Variants in SPADH observed in about 807,000 individuals in gnomAD.
The protein encoded by SPADH is spermadhesin family member.
At chr10:122,675,411 G>A in the SPADH span, among the ~76,000 whole-genome samples, 6 of 152,132 alleles carry the variant, frequency 3.9e-5, no homozygotes, top group African/African-American at 1.4e-4. Flanking sequence ...TGTGAGTGCT[G>A]AGAGCCGATG....
chr10:122,678,794 C>T, the SPADH span: 1 of 561,226 alleles, frequency 1.8e-6, no homozygotes, highest in Non-Finnish European at 2.3e-6. Context: ...GAGGTGGCAG[C>T]CTGGCTGGAG....
At chr10:122,675,660 A>G in the SPADH span, 19 of 984,346 alleles carry the variant, frequency 1.9e-5, no homozygotes, top group Admixed American at 2.5e-4. Flanking sequence ...TTAAAGCTCC[A>G]TTTGCCACAG....
chr10:122,676,679 G>C, the SPADH span: 3 of 972,980 alleles, frequency 3.1e-6, no homozygotes, highest in East Asian at 3.4e-4. Context: ...TAATAACAGG[G>C]GCCCCTGGAA....
At chr10:122,675,481 C>T in the SPADH span, among the ~76,000 whole-genome samples, 17 of 152,286 alleles carry the variant, frequency 1.1e-4, no homozygotes, top group South Asian at 6.2e-4. Flanking sequence ...GGGACAGTGA[C>T]GCCATCTCTT....
the SPADH span, chr10:122,672,891 T>A: frequency 1.0e-6 from 1 of 985,356 alleles, no homozygotes; most frequent in Non-Finnish European, 1.2e-6. Flanking sequence ...GATGAGGCTG[T>A]CCAGAGCCTT....
chr10:122,679,336 G>A, the SPADH span, among the ~76,000 whole-genome samples: 2 of 152,062 alleles, frequency 1.3e-5, no homozygotes, highest in Non-Finnish European at 1.5e-5. Flanking sequence ...GGGTATCTCT[G>A]AGAAGCCATC....
chr10:122,674,012 C>T, the SPADH span, among the ~76,000 whole-genome samples: 1 of 152,220 alleles, frequency 6.6e-6, no homozygotes, highest in East Asian at 1.9e-4. Context: ...CTTAGGGCAA[C>T]TGGTCATAGG....
chr10:122,673,094 A>G, the SPADH span, among the ~76,000 whole-genome samples: 1 of 152,224 alleles, frequency 6.6e-6, no homozygotes, highest in African/African-American at 2.4e-5. Context: ...GGAAGAAGAG[A>G]CAAATAGGAA....
the SPADH span, chr10:122,676,884 G>A: frequency 1.0e-6 from 1 of 985,352 alleles, no homozygotes; most frequent in Non-Finnish European, 1.2e-6. Context: ...GGCCATTCCA[G>A]ACCTCAAGTG....
chr10:122,673,802 G>A, the SPADH span, among the ~76,000 whole-genome samples: 2 of 151,752 alleles, frequency 1.3e-5, no homozygotes, highest in Admixed American at 6.6e-5. Flanking sequence ...TTTCTCCTGC[G>A]CTGCTCCACT....
the SPADH span, chr10:122,676,723 T>G: frequency 1.0e-6 from 1 of 985,356 alleles, no homozygotes. Context: ...AGAGCATCCC[T>G]GCAGTGCCTG....
the SPADH span, chr10:122,673,023 C>T: frequency 4.7e-6 from 3 of 645,106 alleles, no homozygotes; most frequent in Non-Finnish European, 5.8e-6. Flanking sequence ...AAGGAAGAAG[C>T]CCATGGCTGA....
At chr10:122,677,738 C>A in the SPADH span, among the ~76,000 whole-genome samples, 1 of 152,294 alleles carries the variant, frequency 6.6e-6, no homozygotes, top group South Asian at 2.1e-4. Flanking sequence ...GGCTCAGAAT[C>A]CCACTACGTT....
At chr10:122,676,416 G>A in the SPADH span, among the ~76,000 whole-genome samples, 1 of 152,204 alleles carries the variant, frequency 6.6e-6, no homozygotes, top group Admixed American at 6.5e-5. Flanking sequence ...GAAAAGATCT[G>A]TAGGGAAATG....
At chr10:122,677,730 C>G in the SPADH span, among the ~76,000 whole-genome samples, 1 of 152,180 alleles carries the variant, frequency 6.6e-6, no homozygotes, top group Non-Finnish European at 1.5e-5. Context: ...AGCCTATGGG[C>G]TCAGAATCCC....
At chr10:122,675,770 A>C in the SPADH span, 15 of 327,414 alleles carry the variant, frequency 4.6e-5, no homozygotes, top group Non-Finnish European at 6.6e-5. Context: ...GGCACGTACC[A>C]GGGATAATTC....
chr10:122,678,879 T>C, the SPADH span: 6 of 984,652 alleles, frequency 6.1e-6, no homozygotes, highest in Non-Finnish European at 7.2e-6. Flanking sequence ...TACGTGGAAG[T>C]GCTGGATGGA....
At chr10:122,675,557 G>A in the SPADH span, 2 of 434,004 alleles carry the variant, frequency 4.6e-6, no homozygotes, top group Non-Finnish European at 6.1e-6. Context: ...CCTCTTCACA[G>A]TGTAGTCATT....
the SPADH span, chr10:122,676,974 T>A: frequency 1.1e-6 from 1 of 904,490 alleles, no homozygotes; most frequent in Non-Finnish European, 1.3e-6. Flanking sequence ...TGGTTCACCT[T>A]CCACCCTATC....
Sources: allele counts gnomAD v4.1 joint callset (sites outside exome capture counted in the v4.1 genomes callset), GRCh38; gene constraint gnomAD v4.1.1; transcripts MANE v1.5; gene names NCBI Gene and HGNC (gene_info 2026-07-23, HGNC 2026-07-21).